EPB41L1: variants seen among roughly 807,000 people sequenced by gnomAD.
EPB41L1 encodes the protein erythrocyte membrane protein band 4.1 like 1.
Under a neutral mutation model 97.8 loss-of-function variants are expected in EPB41L1, and 29 were observed. The observed-to-expected ratio is 0.30, with a 90% confidence interval of 0.22 to 0.40. EPB41L1 has a LOEUF of 0.40. Ranked by LOEUF, EPB41L1 falls within the 10% of genes least tolerant of loss-of-function variation. EPB41L1 has a pLI of 1.00. For synonymous variants in EPB41L1, 383 were observed against 459.2 expected, an observed-to-expected ratio of 0.83 and a Z score of 2.12; for missense variants, 812 against 1,162.3, an observed-to-expected ratio of 0.70 and a Z score of 4.38.
intron 1 of EPB41L1, among the ~76,000 whole-genome samples, chr20:36,158,728 A>G (rs937267178): frequency 2.0e-5 from 3 of 152,222 alleles, no homozygotes; most frequent in African/African-American, 4.8e-5. Flanking sequence ...CATTCGTAAA[A>G]TGCAGATAAA....
upstream of EPB41L1, among the ~76,000 whole-genome samples, chr20:36,153,764 G>A (rs898545311): frequency 1.3e-5 from 2 of 152,180 alleles, no homozygotes; most frequent in Admixed American, 6.5e-5. Flanking sequence ...TGGAACCCAG[G>A]CCCTCTCCCT....
At chr20:36,153,416 G>A (rs186213527), upstream of EPB41L1, among the ~76,000 whole-genome samples, 470 of 152,220 alleles carry the variant, frequency 3.1e-3, 7 homozygotes, top group African/African-American at 0.011. Flanking sequence ...TCCCAGCTTG[G>A]GGCCTCTGTG....
chr20:36,148,529 C>G (rs139480717), intron 2 of EPB41L1, among the ~76,000 whole-genome samples: 161 of 152,314 alleles, frequency 1.1e-3, no homozygotes, highest in Non-Finnish European at 1.9e-3. Flanking sequence ...CAGGTGAGAC[C>G]AGGCTGTGGA....
intron 2 of EPB41L1, among the ~76,000 whole-genome samples, chr20:36,141,880 G>A (rs1479542930): frequency 6.6e-6 from 1 of 152,130 alleles, no homozygotes; most frequent in Non-Finnish European, 1.5e-5. Flanking sequence ...GGCTGACGTG[G>A]ACAGATCACT....
At chr20:36,178,366 G>A (rs2061336511) in intron 4 of EPB41L1, among the ~76,000 whole-genome samples, 1 of 152,172 alleles carries the variant, frequency 6.6e-6, no homozygotes, top group Non-Finnish European at 1.5e-5. Context: ...CTTCCTGCCA[G>A]TCCCATTGCA....
At chr20:36,177,903 C>T (rs368822267) in intron 3 of EPB41L1, 49 bp from the exon 4 acceptor site, 47 of 1,472,872 alleles carry the variant, frequency 3.2e-5, no homozygotes, top group Middle Eastern at 1.7e-4. Flanking sequence ...CTCCCAGCCT[C>T]GCCCCGGGGT....
Position 36,173,843 on chromosome 20 carries a change from C to T in EPB41L1, c.66C>T (p.Pro22=), listed in dbSNP as rs773788038. The change falls in exon 2 of 22, where the codon CCC becomes CCT. Residue 22 remains proline, a synonymous_variant. Transcript: ENST00000338074. ...CTCAGGAGGAGGCCCCGCAGCAGCC[C>T]GAGGCTGCTGCCGCTGTGACCACCC... is the stretch of plus-strand genomic sequence containing the variant. The part of the protein sequence containing the change: ...KKAQEEAPQQ[P]EAAAAVTTPV... 127 of 1,612,774 alleles carry T rather than the reference C, an allele frequency of 7.9e-5. No individual in the cohort carries two copies. The highest frequency in any genetic ancestry group is 1.1e-4 in the Non-Finnish European group (126 of 1,179,088).
chr20:36,108,332 G>A (rs772100265), intron 1 of EPB41L1, among the ~76,000 whole-genome samples: 6 of 151,922 alleles, frequency 3.9e-5, no homozygotes, highest in African/African-American at 9.7e-5. Flanking sequence ...TGGGTTAAAT[G>A]AATATATTAT....
chr20:36,097,720 G>A (rs1001793959), intron 1 of EPB41L1, among the ~76,000 whole-genome samples: 1 of 152,230 alleles, frequency 6.6e-6, no homozygotes, highest in East Asian at 1.9e-4. Flanking sequence ...TACCGTCTGG[G>A]TATTTGAAAT....
chr20:36,175,778 G>C (rs2061201370), intron 3 of EPB41L1, 63 bp downstream of exon 3: 2 of 1,590,364 alleles, frequency 1.3e-6, no homozygotes, highest in Admixed American at 3.4e-5. Flanking sequence ...TCCAGGGCAG[G>C]CTCCTGTGTG....
chr20:36,103,096 T>C (rs920470878), intron 1 of EPB41L1, among the ~76,000 whole-genome samples: 5 of 152,162 alleles, frequency 3.3e-5, no homozygotes, highest in African/African-American at 1.2e-4. Context: ...TCCCCCTCAC[T>C]CCAAGATGAA....
chr20:36,184,428 A>G (rs1208323154), intron 6 of EPB41L1, among the ~76,000 whole-genome samples: 1 of 152,244 alleles, frequency 6.6e-6, no homozygotes, highest in Admixed American at 6.5e-5. Context: ...GTTATAAAAA[A>G]TCATGGCCTG....
intron 2 of EPB41L1, among the ~76,000 whole-genome samples, chr20:36,112,831 C>G (rs2058449636): frequency 6.6e-6 from 1 of 152,172 alleles, no homozygotes; most frequent in Admixed American, 6.5e-5. Context: ...ACTCCTAGGT[C>G]GTAGACTAGA....
chr20:36,208,377 G>A (rs1045362735), intron 14 of EPB41L1: 14 of 446,706 alleles, frequency 3.1e-5, no homozygotes, highest in Middle Eastern at 3.3e-4. Context: ...AAGGGGGGGC[G>A]CCTGAGATTT....
At chr20:36,103,409 C>G (rs939024779) in intron 1 of EPB41L1, among the ~76,000 whole-genome samples, 17 of 152,142 alleles carry the variant, frequency 1.1e-4, no homozygotes, top group Non-Finnish European at 1.9e-4. Flanking sequence ...GCCCCTCCCT[C>G]TATTTGTGGA....
At chr20:36,110,925 C>T (rs1383833269) in intron 1 of EPB41L1, 2 of 152,168 alleles carry the variant, frequency 1.3e-5, no homozygotes, top group African/African-American at 2.4e-5. Flanking sequence ...TTTAGCTGGG[C>T]TCCAGACCCC....
chr20:36,095,554 C>A (rs1449507429), intron 1 of EPB41L1, among the ~76,000 whole-genome samples: 1 of 152,224 alleles, frequency 6.6e-6, no homozygotes, highest in Non-Finnish European at 1.5e-5. Context: ...GATTTTGGGA[C>A]TTTGATGACC....
At chr20:36,178,468 C>T (rs748463251) in intron 4 of EPB41L1, among the ~76,000 whole-genome samples, 162 bp from the exon 5 acceptor site, 16 of 152,176 alleles carry the variant, frequency 1.1e-4, no homozygotes, top group Non-Finnish European at 2.4e-4. Flanking sequence ...CCCCATTCCC[C>T]TCACCCCCTA....
chr20:36,182,684 T>C (rs1416281471), intron 6 of EPB41L1, among the ~76,000 whole-genome samples: 1 of 152,188 alleles, frequency 6.6e-6, no homozygotes, highest in Non-Finnish European at 1.5e-5. Flanking sequence ...GCCTGATTGT[T>C]GAAATGAACC....
Sources: gnomAD v4.1 joint callset for allele counts (sites outside exome capture counted in the v4.1 genomes callset) on GRCh38, gnomAD v4.1.1 for gene constraint, MANE v1.5 for transcripts, NCBI Gene and HGNC (gene_info 2026-07-23, HGNC 2026-07-21) for gene names.